CLRN1: variants seen among roughly 807,000 people sequenced by gnomAD.
The protein encoded by CLRN1 is clarin 1.
In CLRN1, 15 loss-of-function variants were observed where a neutral mutation model predicts 18.7. That is an observed-to-expected ratio of 0.80 (90% CI 0.54 to 1.23). The LOEUF is 1.23. Among genes scored for constraint, CLRN1 ranks in the 50% most tolerant of loss-of-function variants. The pLI is 0.00. For synonymous variants in CLRN1, 104 were observed against 102.9 expected (o/e 1.01, Z -0.07); for missense variants, 311 against 277.5 (o/e 1.12, Z -0.86).
intron 1 of CLRN1, among the ~76,000 whole-genome samples, chr3:150,971,110 G>C (rs1715515062): frequency 6.6e-6 from 1 of 152,168 alleles, no homozygotes; most frequent in African/African-American, 2.4e-5. Flanking sequence ...GGCTGCCGGT[G>C]ACTCACGGTT....
chr3:150,942,331 T>C (rs1167832000), intron 1 of CLRN1, among the ~76,000 whole-genome samples: 1 of 152,250 alleles, frequency 6.6e-6, no homozygotes, highest in East Asian at 1.9e-4. Flanking sequence ...TATTTCAATG[T>C]AGAAAACACG....
At chr3:150,964,080 A>G (rs561441766) in intron 1 of CLRN1, among the ~76,000 whole-genome samples, 4 of 152,200 alleles carry the variant, frequency 2.6e-5, no homozygotes, top group Non-Finnish European at 5.9e-5. Flanking sequence ...AATTAAACTA[A>G]AAAAACTTCT....
chr3:150,964,739 T>G (rs1715184699), intron 1 of CLRN1, among the ~76,000 whole-genome samples: 1 of 152,202 alleles, frequency 6.6e-6, no homozygotes, highest in South Asian at 2.1e-4. Flanking sequence ...AATGAGTTCA[T>G]GCCTTTTGCA....
intron 2 of CLRN1, among the ~76,000 whole-genome samples, chr3:150,936,159 A>T (rs1016317266): frequency 1.3e-5 from 2 of 151,842 alleles, no homozygotes; most frequent in Non-Finnish European, 2.9e-5. Flanking sequence ...CCCATTTGTC[A>T]ATTTTGGCTT....
chr3:150,972,666 C>T lies in CLRN1; in HGVS notation c.43G>A (p.Val15Met), dbSNP rs1559996357. ...CCGAGGGCACATGCAAAACTGAACA[C>T]TCCGGCCATGCAAAAAATGATTTTC... ...QKKIIFCMAG[V>M]FSFACALGVV... Residue 15 changes from valine (V) to methionine (M), a missense_variant, in exon 1 of 3, where the codon GTG becomes ATG. By Grantham distance (21) the Val-to-Met change is conservative. Transcript: ENST00000327047. 1 of 1,614,234 alleles carries T rather than the reference C, an allele frequency of 6.2e-7. No homozygotes were observed. The highest frequency in any genetic ancestry group is 8.5e-7 in the Non-Finnish European group (1 of 1,180,046).
chr3:150,953,919 C>T (rs1456392691), intron 1 of CLRN1, among the ~76,000 whole-genome samples: 1 of 152,162 alleles, frequency 6.6e-6, no homozygotes, highest in Non-Finnish European at 1.5e-5. Flanking sequence ...AAGACCAAGG[C>T]ACAGAGAAGT....
intron 1 of CLRN1, among the ~76,000 whole-genome samples, chr3:150,952,433 C>T (rs1443204122): frequency 6.6e-6 from 1 of 152,254 alleles, no homozygotes; most frequent in African/African-American, 2.4e-5. Flanking sequence ...GCACATTTAA[C>T]GTAGGCTGAG....
intron 1 of CLRN1, among the ~76,000 whole-genome samples, chr3:150,952,524 G>A (rs1035734901): frequency 6.6e-6 from 1 of 152,118 alleles, no homozygotes; most frequent in African/African-American, 2.4e-5. Flanking sequence ...CGGGTTTATC[G>A]GGAAGTAACA....
intron 1 of CLRN1, among the ~76,000 whole-genome samples, chr3:150,961,618 G>T (rs533019394): frequency 6.6e-6 from 1 of 152,070 alleles, no homozygotes; most frequent in African/African-American, 2.4e-5. Flanking sequence ...CCTGTTTTTC[G>T]TCTCAACCTG....
chr3:150,958,904 C>T (rs1335512571), intron 1 of CLRN1, among the ~76,000 whole-genome samples: 1 of 152,170 alleles, frequency 6.6e-6, no homozygotes, highest in Non-Finnish European at 1.5e-5. Context: ...ATTTAATTGC[C>T]AGTGTGACAG....
intron 1 of CLRN1, among the ~76,000 whole-genome samples, chr3:150,951,651 T>C (rs562303306): frequency 6.6e-6 from 1 of 152,226 alleles, no homozygotes; most frequent in African/African-American, 2.4e-5. Flanking sequence ...GACTGGGTAA[T>C]TTAAAAAGAG....
chr3:150,943,531 C>G (rs993024249), intron 1 of CLRN1, among the ~76,000 whole-genome samples: 6 of 152,182 alleles, frequency 3.9e-5, no homozygotes, highest in Admixed American at 3.9e-4. Context: ...CAGCTTCTCT[C>G]TCTGCTGAGA....
In CLRN1 at chr3:150,959,947, A is replaced by G. The variant is rs148541634; in HGVS notation, c.253+12509T>C. On this transcript the variant is annotated intron_variant, in intron 1 of 2. Transcript: ENST00000327047. ...AAGTCTGTACGTAATGGCATTAACCAGGAGTCTCAGGCAGTTGGAATACAG... is the reference window on the plus strand; with the variant it reads ...AAGTCTGTACGTAATGGCATTAACCGGGAGTCTCAGGCAGTTGGAATACAG... Among the ~76,000 whole-genome samples, 1,129 of 152,338 alleles carry G rather than the reference A, an allele frequency of 7.4e-3. 11 individuals are homozygous for G. The highest frequency in any genetic ancestry group is 0.034 in the South Asian group (166 of 4,824).
chr3:150,972,903 G>T (rs1468647259), upstream of CLRN1: 2 of 736,316 alleles, frequency 2.7e-6, no homozygotes, highest in Admixed American at 4.1e-5. Flanking sequence ...CTCATACTTG[G>T]CTTTTCTCCT....
intron 2 of CLRN1, among the ~76,000 whole-genome samples, chr3:150,939,466 CTT>C (rs1246053916): frequency 2.6e-5 from 4 of 152,190 alleles, no homozygotes; most frequent in African/African-American, 9.7e-5. Flanking sequence ...CTCGGAGTCT[CTT>C]TTTGTTTGTC....
intron 2 of CLRN1, among the ~76,000 whole-genome samples, chr3:150,933,377 G>A (rs1343090797): frequency 6.6e-6 from 1 of 152,118 alleles, no homozygotes; most frequent in Non-Finnish European, 1.5e-5. Flanking sequence ...GGGGGGATAG[G>A]AAGGCTGGGG....
chr3:150,930,366 A>AG (rs925157052), intron 2 of CLRN1, among the ~76,000 whole-genome samples: 2 of 152,106 alleles, frequency 1.3e-5, no homozygotes, highest in African/African-American at 2.4e-5. Context: ...GGTAGGAATG[A>AG]GGGGAGAGGT....
intron 2 of CLRN1, among the ~76,000 whole-genome samples, chr3:150,939,758 C>T (rs1256981210): frequency 6.6e-6 from 1 of 152,184 alleles, no homozygotes; most frequent in South Asian, 2.1e-4. Flanking sequence ...CAGCACACCA[C>T]CCGGATCCAC....
chr3:150,954,598 A>G lies in CLRN1; in HGVS notation c.254-12837T>C, dbSNP rs543586278. ...ATTCTCTTATCAGTGTCTTTTGAAG[A>G]GTAGTTCTTATTTTTATGAACTCCA... is the stretch of plus-strand genomic sequence containing the variant. On this transcript the variant is annotated intron_variant, in intron 1 of 2. Coordinates refer to ENST00000327047, the MANE Select transcript of CLRN1 (RefSeq NM_174878.3). Among the ~76,000 whole-genome samples the G allele has an allele frequency of 1.7e-3, 254 of 152,340 alleles. 2 individuals are homozygous for G. Among genetic ancestry groups the G allele is most frequent in the Non-Finnish European group, 3.1e-3 (212 of 68,018 alleles).
Sources: gnomAD v4.1 joint callset for allele counts (sites outside exome capture counted in the v4.1 genomes callset) on GRCh38, gnomAD v4.1.1 for gene constraint, MANE v1.5 for transcripts, NCBI Gene and HGNC (gene_info 2026-07-23, HGNC 2026-07-21) for gene names.